AK5: variants seen among roughly 807,000 people sequenced by gnomAD.
AK5 encodes adenylate kinase isoenzyme 5.
AK5 carries 27 observed loss-of-function variants against 69.5 expected under a neutral mutation model. The ratio of observed to expected loss-of-function variants is 0.39; its 90% confidence interval spans 0.29 to 0.54. The LOEUF is 0.54. Ranked by LOEUF, AK5 falls within the 20% of genes least tolerant of loss-of-function variation. The probability of loss-of-function intolerance (pLI) is 0.71; values close to 1 mark genes in which losing one functional copy is unlikely to be tolerated. For synonymous variants in AK5, 260 were observed against 244.4 expected, an observed-to-expected ratio of 1.06 and a Z score of -0.60; for missense variants, 531 against 700.4, an observed-to-expected ratio of 0.76 and a Z score of 2.73.
chr1:77,391,138 C>A (rs1648395028), intron 6 of AK5, among the ~76,000 whole-genome samples: 1 of 151,992 alleles, frequency 6.6e-6, no homozygotes, highest in South Asian at 2.1e-4. Flanking sequence ...AGGAGTCAGA[C>A]ACAAATAAAT....
intron 2 of AK5, among the ~76,000 whole-genome samples, chr1:77,288,804 A>G (rs1265511766): frequency 1.3e-5 from 2 of 152,200 alleles, no homozygotes; most frequent in Admixed American, 1.3e-4. Context: ...CTATAAGGTA[A>G]TAAGATTAGC....
chr1:77,380,862 C>T (rs1478253719), intron 6 of AK5, among the ~76,000 whole-genome samples: 3 of 152,126 alleles, frequency 2.0e-5, no homozygotes, highest in Non-Finnish European at 4.4e-5. Context: ...CCAAGGCATC[C>T]TAGCCAGAGA....
At chr1:77,313,818 G>A (rs983995593) in intron 5 of AK5, 1 of 532,870 alleles carries the variant, frequency 1.9e-6, no homozygotes, top group Non-Finnish European at 3.8e-6. Flanking sequence ...CTCAGACAAA[G>A]ATGCCTGTGC....
intron 8 of AK5, among the ~76,000 whole-genome samples, chr1:77,423,124 G>A (rs543172604): frequency 6.6e-6 from 1 of 151,020 alleles, no homozygotes; most frequent in Non-Finnish European, 1.5e-5. Flanking sequence ...GGGAGGCTGA[G>A]GCAGGAGAAT....
intron 13 of AK5, among the ~76,000 whole-genome samples, chr1:77,538,222 C>A (rs1659073810): frequency 1.3e-5 from 2 of 151,746 alleles, no homozygotes; most frequent in South Asian, 4.2e-4. Flanking sequence ...GCCTGCAGTC[C>A]CAGCTACTTG....
intron 6 of AK5, among the ~76,000 whole-genome samples, chr1:77,350,217 A>G (rs1279944602): frequency 2.0e-5 from 3 of 152,224 alleles, no homozygotes; most frequent in South Asian, 2.1e-4. Context: ...GTAATAGAAC[A>G]GGCCAGGAAG....
At chr1:77,461,417 G>C (rs568226830) in intron 8 of AK5, among the ~76,000 whole-genome samples, 3 of 152,004 alleles carry the variant, frequency 2.0e-5, no homozygotes, top group Admixed American at 6.6e-5. Flanking sequence ...TAGTGGGGAG[G>C]GGGGAATGGG....
chr1:77,524,350 G>T, intron 12 of AK5, among the ~76,000 whole-genome samples: 1 of 152,100 alleles, frequency 6.6e-6, no homozygotes, highest in East Asian at 1.9e-4. Context: ...TTTTTGAGGA[G>T]CCACCATACT....
chr1:77,556,978 C>CT lies in AK5; in HGVS notation c.1621-1614dup, dbSNP rs536677918. On this transcript the variant is annotated intron_variant, in intron 13 of 13. Transcript: ENST00000354567. ...CTCATGTAGATCACCAACCCTCTAC[C>CT]TTTTTTTTTTCCTTTTTTCGTTTGT... Among the ~76,000 whole-genome samples the CT allele has an allele frequency of 2.6e-4, 39 of 149,404 alleles. No individual in the cohort carries two copies. In the South Asian group the frequency reaches 3.4e-3, roughly 13 times the overall value.
At chr1:77,391,182 C>T (rs899834542) in intron 6 of AK5, among the ~76,000 whole-genome samples, 4 of 151,822 alleles carry the variant, frequency 2.6e-5, no homozygotes. Flanking sequence ...AGCCTGGTTG[C>T]ATGGGCAGGT....
intron 8 of AK5, among the ~76,000 whole-genome samples, chr1:77,471,026 G>A (rs936875037): frequency 3.3e-5 from 5 of 150,384 alleles, no homozygotes; most frequent in South Asian, 4.2e-4. Context: ...GACTAAAGGC[G>A]TGTGCCACCA....
At chr1:77,452,270 T>C (rs1484088501) in intron 8 of AK5, among the ~76,000 whole-genome samples, 1 of 152,236 alleles carries the variant, frequency 6.6e-6, no homozygotes, top group East Asian at 1.9e-4. Context: ...TGAATCGACA[T>C]ACTTCTGTAT....
At chr1:77,379,500 G>A (rs754829581) in intron 6 of AK5, among the ~76,000 whole-genome samples, 20 of 152,296 alleles carry the variant, frequency 1.3e-4, no homozygotes, top group South Asian at 4.2e-4. Context: ...TGTATTTAGT[G>A]TCCTTTGTTC....
chr1:77,298,795 C>T (rs1403594516), intron 5 of AK5, among the ~76,000 whole-genome samples: 1 of 152,112 alleles, frequency 6.6e-6, no homozygotes, highest in Non-Finnish European at 1.5e-5. Flanking sequence ...AAGATGGCAC[C>T]ACTGCACTTC....
At chr1:77,413,620 TAGC>T (rs1335192178) in intron 7 of AK5, among the ~76,000 whole-genome samples, 3 of 152,156 alleles carry the variant, frequency 2.0e-5, no homozygotes, top group African/African-American at 7.2e-5. Context: ...GGGATAATAA[TAGC>T]AGCTACCCCA....
At chr1:77,288,332 A>T (rs1658481156) in intron 2 of AK5, among the ~76,000 whole-genome samples, 1 of 152,182 alleles carries the variant, frequency 6.6e-6, no homozygotes, top group Admixed American at 6.5e-5. Flanking sequence ...ATCAGGGGGA[A>T]CTAAATTCTG....
intron 13 of AK5, among the ~76,000 whole-genome samples, chr1:77,536,614 C>T (rs1658984703): frequency 6.6e-6 from 1 of 151,758 alleles, no homozygotes; most frequent in Non-Finnish European, 1.5e-5. Context: ...TCCTTTTTCC[C>T]AAAAAAGAGA....
At chr1:77,362,503 A>G (rs150976964) in intron 6 of AK5, among the ~76,000 whole-genome samples, 16 of 152,254 alleles carry the variant, frequency 1.1e-4, no homozygotes, top group Non-Finnish European at 2.4e-4. Context: ...ATCTTTCTTC[A>G]TAGCCTATAC....
At chr1:77,369,735 A>G (rs74090490) in intron 6 of AK5, among the ~76,000 whole-genome samples, 1,811 of 152,330 alleles carry the variant, frequency 0.012, 39 homozygotes, top group African/African-American at 0.041. Flanking sequence ...CTTGTATTAT[A>G]AAGAAATAGT....
Sources: allele counts gnomAD v4.1 joint callset (sites outside exome capture counted in the v4.1 genomes callset), GRCh38; gene constraint gnomAD v4.1.1; transcripts MANE v1.5; gene names NCBI Gene and HGNC (gene_info 2026-07-23, HGNC 2026-07-21).